The following AXIN1 variants were observed in gnomAD, a reference collection of about 807,000 sequenced individuals.
AXIN1 encodes the protein axin 1, also known as axin-1.
AXIN1 carries 30 observed loss-of-function variants against 76.4 expected under a neutral mutation model. That is an observed-to-expected ratio of 0.39 (90% CI 0.29 to 0.53). The LOEUF is 0.53. AXIN1 is among the 20% of genes least tolerant of loss of function. The pLI is 0.66. For missense variants in AXIN1, 1,140 were observed against 1,198.8 expected (o/e 0.95, Z 0.72); for synonymous variants, 545 against 501.4 (o/e 1.09, Z -1.16).
rs1369572386 is a variant in AXIN1, at chr16:291,375, G to T, written c.2187-78C>A. 1.5e-5 allele frequency: 18 copies of T among 1,240,408 alleles called. No homozygotes were observed. The African/African-American group carries it at 2.4e-4, about 16-fold the overall frequency. The allele number at this position is 1,240,408 out of a possible 1,614,324, so 76.8% of individuals were successfully genotyped here. On this transcript the variant is annotated intron_variant, in intron 8 of 10. Transcript: ENST00000262320. ...GGAGGGAGCCTCGACCAATGCTGCT[G>T]CGCAGGGACGGACGGAGCGTGAAGG... is the stretch of plus-strand genomic sequence containing the variant.
At chr16:305,839 C>T (rs1215979939) in intron 4 of AXIN1, among the ~76,000 whole-genome samples, 2 of 151,990 alleles carry the variant, frequency 1.3e-5, no homozygotes, top group South Asian at 2.1e-4. Flanking sequence ...CCACTGCACC[C>T]GGCCCCCCTA....
chr16:342,405 C>T (rs890473297), intron 2 of AXIN1, among the ~76,000 whole-genome samples: 2 of 152,160 alleles, frequency 1.3e-5, no homozygotes, highest in African/African-American at 4.8e-5. Context: ...GACGACTAAC[C>T]GGCTCTCCAC....
intron 2 of AXIN1, among the ~76,000 whole-genome samples, chr16:315,217 G>C (rs1278685916): frequency 1.3e-5 from 2 of 152,174 alleles, no homozygotes; most frequent in Admixed American, 1.3e-4. Flanking sequence ...CCCAGCTCCT[G>C]GGACGATTCA....
intron 2 of AXIN1, among the ~76,000 whole-genome samples, chr16:322,434 G>A (rs983515033): frequency 3.0e-4 from 45 of 152,172 alleles, no homozygotes; most frequent in Non-Finnish European, 1.6e-4. Context: ...GTGCTCCTAC[G>A]GCTGTGTTTC....
rs375543956 is a variant in AXIN1, at chr16:297,168, C to T, written c.1843G>A (p.Ala615Thr). 69 of 1,611,630 alleles carry T rather than the reference C, an allele frequency of 4.3e-5. 1 individual carries two copies. The South Asian group carries it at 6.1e-4, about 14-fold the overall frequency. The change falls in exon 7 of 11, where the codon GCC becomes ACC. Residue 615 changes from alanine to threonine, a missense_variant. By Grantham distance (58) the Ala-to-Thr change is moderately conservative. This residue lies in a region of AXIN1 where 429 missense variants were observed against 405.8 expected (regional missense o/e 1.06). Coordinates refer to ENST00000262320, the MANE Select transcript of AXIN1 (RefSeq NM_003502.4). ...NAKKAESGKS[A>T]STEVPGASED... ...GAGGCACCTGGCACCTCGGTGCTGG[C>T]GCTCTTCCCCGACTCAGCCTTCTTG...
At chr16:320,843 G>GCC (rs1597064818) in intron 2 of AXIN1, among the ~76,000 whole-genome samples, 2 of 85,220 alleles carry the variant, frequency 2.3e-5, no homozygotes, top group African/African-American at 5.6e-5. Flanking sequence ...GGGTTCAATC[G>GCC]ATTCTCCTGC....
intron 2 of AXIN1, among the ~76,000 whole-genome samples, chr16:324,846 C>G (rs1001911556): frequency 6.6e-6 from 1 of 152,208 alleles, no homozygotes; most frequent in East Asian, 1.9e-4. Context: ...CCAGGCCCAG[C>G]CCCCGAGTCC....
rs1350940009 is a variant in AXIN1, at chr16:351,089, G to A, written c.-82+1280C>T. ...GGAGGATGCGGTGAGCGGAGATCACGCCATTGGACTCCAGCCTGGGCAACA... is the reference window on the plus strand; with the variant it reads ...GGAGGATGCGGTGAGCGGAGATCACACCATTGGACTCCAGCCTGGGCAACA... On this transcript the variant is annotated intron_variant, in intron 1 of 10. Transcript: ENST00000262320. Among the ~76,000 whole-genome samples the A allele has an allele frequency of 2.7e-5, 4 of 148,572 alleles. No individual in the cohort carries two copies. In the Admixed American group the frequency reaches 2.7e-4, roughly 10 times the overall value.
chr16:328,434 G>A (rs989999486), intron 2 of AXIN1, among the ~76,000 whole-genome samples: 4 of 151,940 alleles, frequency 2.6e-5, no homozygotes, highest in East Asian at 1.9e-4. Context: ...AGTGGCTCAC[G>A]CCTGTAATCC....
chr16:330,985 C>T (rs1192542535), intron 2 of AXIN1, among the ~76,000 whole-genome samples: 2 of 152,186 alleles, frequency 1.3e-5, no homozygotes, highest in Non-Finnish European at 2.9e-5. Context: ...CAGACTGCAG[C>T]CCTTGCAGAC....
intron 1 of AXIN1, 70 bp from the exon 2 acceptor site, chr16:347,176 A>G: frequency 7.3e-7 from 1 of 1,374,350 alleles, no homozygotes; most frequent in South Asian, 1.2e-5. Flanking sequence ...AGGTTTTCTC[A>G]AGACAAGACT....
intron 2 of AXIN1, among the ~76,000 whole-genome samples, chr16:345,648 A>C (rs2141697898): frequency 6.6e-6 from 1 of 152,144 alleles, no homozygotes; most frequent in East Asian, 1.9e-4. Flanking sequence ...CGGGAGGCGA[A>C]GGTTGCAGTG....
intron 7 of AXIN1, 72 bp downstream of exon 7, chr16:296,984 A>G: frequency 1.3e-6 from 2 of 1,536,018 alleles, no homozygotes; most frequent in East Asian, 4.5e-5. Flanking sequence ...GAAGCTGCAC[A>G]CACTGAGACT....
At chr16:320,723 GTATA>G (rs754089481) in intron 2 of AXIN1, among the ~76,000 whole-genome samples, 26 of 120,086 alleles carry the variant, frequency 2.2e-4, no homozygotes, top group South Asian at 9.6e-4. Flanking sequence ...GCGTGTGTGT[GTATA>G]TATATATATA....
chr16:299,435 C>A (rs1318641640), intron 5 of AXIN1, among the ~76,000 whole-genome samples: 1 of 152,040 alleles, frequency 6.6e-6, no homozygotes, highest in Non-Finnish European at 1.5e-5. Flanking sequence ...TCACTGCAAC[C>A]TCCACCTCCC....
At chr16:339,845 G>A (rs1010199990) in intron 2 of AXIN1, among the ~76,000 whole-genome samples, 17 of 152,112 alleles carry the variant, frequency 1.1e-4, no homozygotes, top group African/African-American at 4.1e-4. Flanking sequence ...CCCTTAACAA[G>A]ACAAGCCTGG....
chr16:295,053 G>A (rs1337878057), intron 7 of AXIN1, among the ~76,000 whole-genome samples: 1 of 135,124 alleles, frequency 7.4e-6, no homozygotes, highest in African/African-American at 2.7e-5. Flanking sequence ...AACAGAGCAA[G>A]ACTCCGTCTC....
At chr16:333,021 C>CA (rs1477357647) in intron 2 of AXIN1, among the ~76,000 whole-genome samples, 4 of 152,006 alleles carry the variant, frequency 2.6e-5, no homozygotes, top group African/African-American at 7.3e-5. Context: ...CTTGTCTCTA[C>CA]AAAAAACTGT....
At position 337,705 on chromosome 16, in the gene AXIN1, C is replaced by T. The variant is rs538574450; in HGVS notation, c.878+8443G>A. Among the ~76,000 whole-genome samples the T allele has an allele frequency of 2.1e-3, 317 of 152,316 alleles. 1 individual carries two copies. Among genetic ancestry groups the T allele is most frequent in the Middle Eastern group, 0.01 (3 of 294 alleles). On this transcript the variant is annotated intron_variant, in intron 2 of 10. Transcript: ENST00000262320. ...GCCCATTTGCCAGCAGATGCTTCAA[C>T]GGATCACAAAGGAAGCCCGTGGGCC... is the stretch of plus-strand genomic sequence containing the variant.
Sources: allele counts gnomAD v4.1 joint callset (sites outside exome capture counted in the v4.1 genomes callset), GRCh38; gene constraint gnomAD v4.1.1; regional missense constraint gnomAD v4.1.1; transcripts MANE v1.5; gene names NCBI Gene and HGNC (gene_info 2026-07-23, HGNC 2026-07-21).